Variants in EPHB2 observed in about 807,000 individuals in gnomAD.
The protein encoded by EPHB2 is EPH receptor B2, also known as ephrin type-B receptor 2.
Under a neutral mutation model 96.4 loss-of-function variants are expected in EPHB2, and 18 were observed. The observed-to-expected ratio is 0.19, with a 90% CI of 0.13 to 0.28. The LOEUF is 0.28. Ranked by LOEUF, EPHB2 falls within the 10% of genes least tolerant of loss-of-function variation. The pLI is 1.00. For missense variants in EPHB2, 989 were observed against 1,355.4 expected, an observed-to-expected ratio of 0.73 and a Z score of 4.25; for synonymous variants, 506 against 534.1, an observed-to-expected ratio of 0.95 and a Z score of 0.72.
rs1645544034 is a variant in EPHB2 at position 22,846,436 on chromosome 1, A to G, written c.812-16601A>G. On this transcript the variant is annotated intron_variant, in intron 3 of 15. Transcript: ENST00000374630. The surrounding 1 kb of genome is among the most constrained non-coding windows in gnomAD (Gnocchi z 4.3). ...GACTCTGTCTCAAAAAAAAAAAAAA[A>G]GAAAAGAAAGTCCTAGGTCAGGGAC... 1.2e-5 allele frequency among the ~76,000 whole-genome samples: 1 copy of G among 82,028 alleles called. No homozygotes were observed. 53.8% of individuals were successfully genotyped at this position (82,028 alleles called of 152,430 possible).
chr1:22,761,155 GGGAATGCCA>G (rs1174165889), intron 1 of EPHB2, among the ~76,000 whole-genome samples: 1 of 152,184 alleles, frequency 6.6e-6, no homozygotes, highest in Non-Finnish European at 1.5e-5. Context: ...ATGGGGATCA[GGGAATGCCA>G]GGACTGATGT....
intron 6 of EPHB2, among the ~76,000 whole-genome samples, chr1:22,889,180 C>T (rs1639316639): frequency 6.6e-6 from 1 of 151,982 alleles, no homozygotes; most frequent in African/African-American, 2.4e-5. Context: ...CAGAGAGAGA[C>T]AAAAATGAAA....
intron 1 of EPHB2, among the ~76,000 whole-genome samples, chr1:22,722,016 T>C (rs757835671): frequency 4.6e-5 from 7 of 152,172 alleles, no homozygotes; most frequent in African/African-American, 7.2e-5. Flanking sequence ...GACACTATCT[T>C]GGCTCACTGC....
intron 3 of EPHB2, among the ~76,000 whole-genome samples, chr1:22,807,242 A>C (rs1339771331): frequency 6.6e-6 from 1 of 152,100 alleles, no homozygotes; most frequent in Non-Finnish European, 1.5e-5. Flanking sequence ...TAGGGTGTAG[A>C]TGCTGGCCCT....
intron 1 of EPHB2, among the ~76,000 whole-genome samples, chr1:22,735,977 C>T (rs1416713325): frequency 6.6e-6 from 1 of 152,162 alleles, no homozygotes; most frequent in Non-Finnish European, 1.5e-5. Flanking sequence ...CAAATCCTGG[C>T]TTACACCTAC....
chr1:22,857,517 G>T (rs1315082681), intron 3 of EPHB2, among the ~76,000 whole-genome samples: 1 of 152,108 alleles, frequency 6.6e-6, no homozygotes, highest in Non-Finnish European at 1.5e-5. Flanking sequence ...TGGGGCTGGA[G>T]AGCTTACAGT....
At chr1:22,781,513 T>C in intron 2 of EPHB2, 28 bp downstream of exon 2, 2 of 1,612,508 alleles carry the variant, frequency 1.2e-6, no homozygotes, top group East Asian at 2.2e-5. Context: ...AAACCTTGCA[T>C]TGGTCCCCAG....
intron 3 of EPHB2, chr1:22,835,592 T>C (rs1645369531): frequency 6.6e-6 from 1 of 152,028 alleles, no homozygotes; most frequent in African/African-American, 2.4e-5. Flanking sequence ...ATCTAGAAAA[T>C]GGGATAAGAA....
At chr1:22,822,446 T>C (rs1053818081) in intron 3 of EPHB2, among the ~76,000 whole-genome samples, 10 of 152,150 alleles carry the variant, frequency 6.6e-5, no homozygotes, top group African/African-American at 2.4e-4. Flanking sequence ...TATTTCACAG[T>C]TGAGGCTCAG....
chr1:22,820,227 T>G (rs1481538785), intron 3 of EPHB2, among the ~76,000 whole-genome samples: 1 of 152,082 alleles, frequency 6.6e-6, no homozygotes, highest in Non-Finnish European at 1.5e-5. Context: ...GGTGTTCCCA[T>G]TCTTACATGT....
chr1:22,786,162 G>A (rs1255696116), intron 3 of EPHB2, among the ~76,000 whole-genome samples: 8 of 152,144 alleles, frequency 5.3e-5, no homozygotes, highest in Admixed American at 3.3e-4. Flanking sequence ...ACTCACTAGC[G>A]GTATCACCTT....
At chr1:22,737,020 A>G (rs1343239279) in intron 1 of EPHB2, among the ~76,000 whole-genome samples, 6 of 152,178 alleles carry the variant, frequency 3.9e-5, no homozygotes, top group South Asian at 2.1e-4. Context: ...GAATCCAGCC[A>G]TCGGCGTGAC....
chr1:22,865,924 AC>A (rs1181363121), intron 5 of EPHB2, among the ~76,000 whole-genome samples: 1 of 150,632 alleles, frequency 6.6e-6, no homozygotes, highest in Non-Finnish European at 1.5e-5. Context: ...GTCATCCTCC[AC>A]CCCCCACCCT....
chr1:22,716,354 T>C (rs1001485547), intron 1 of EPHB2, among the ~76,000 whole-genome samples: 2 of 151,820 alleles, frequency 1.3e-5, no homozygotes, highest in African/African-American at 4.8e-5. Flanking sequence ...TTTTTCGAGA[T>C]GGAGTCTCAC....
intron 4 of EPHB2, 63 bp downstream of exon 4, chr1:22,863,255 C>G (rs752424394): frequency 4.3e-6 from 7 of 1,611,108 alleles, no homozygotes; most frequent in East Asian, 2.2e-5. Context: ...TGCAGAAAAG[C>G]TCAGAGTGAG....
chr1:22,876,755 C>G (rs1426741291), intron 5 of EPHB2, among the ~76,000 whole-genome samples: 2 of 152,202 alleles, frequency 1.3e-5, no homozygotes, highest in South Asian at 2.1e-4. Flanking sequence ...GGAGAGCATC[C>G]AGCTGTTCCC....
At chr1:22,822,531 T>A (rs895225547) in intron 3 of EPHB2, among the ~76,000 whole-genome samples, 2 of 152,212 alleles carry the variant, frequency 1.3e-5, no homozygotes, top group African/African-American at 4.8e-5. Flanking sequence ...GGTCTTTCTG[T>A]CTCTTAAATT....
At chr1:22,781,179 G>A (rs1051409248) in intron 1 of EPHB2, among the ~76,000 whole-genome samples, 10 of 151,968 alleles carry the variant, frequency 6.6e-5, no homozygotes, top group Non-Finnish European at 1.5e-4. Flanking sequence ...AATTAGCCGG[G>A]CGTGGTTGGA....
chr1:22,834,543 A>G (rs770877175), intron 3 of EPHB2, among the ~76,000 whole-genome samples: 41 of 151,974 alleles, frequency 2.7e-4, no homozygotes, highest in African/African-American at 4.8e-4. Context: ...CAACCACTCA[A>G]CTCTGCCATT....
Sources: allele counts gnomAD v4.1 joint callset (sites outside exome capture counted in the v4.1 genomes callset), GRCh38; gene constraint gnomAD v4.1.1; non-coding constraint Gnocchi (gnomAD v3.1); transcripts MANE v1.5; gene names NCBI Gene and HGNC (gene_info 2026-07-23, HGNC 2026-07-21).